The following LDLRAD4 variants were observed in gnomAD, a reference collection of about 807,000 sequenced individuals.
The protein encoded by LDLRAD4 is low-density lipoprotein receptor class A domain-containing protein 4.
Under a neutral mutation model 17.0 loss-of-function variants are expected in LDLRAD4, and 5 were observed. That is an observed-to-expected ratio of 0.29 (90% CI 0.15 to 0.62). The LOEUF is 0.62. Ranked by LOEUF, LDLRAD4 falls within the 20% of genes least tolerant of loss-of-function variation. The pLI, the probability that LDLRAD4 is intolerant of heterozygous loss-of-function variation, is 0.84. For synonymous variants in LDLRAD4, 168 were observed against 171.8 expected (o/e 0.98, Z 0.17); for missense variants, 340 against 424.7 (o/e 0.80, Z 1.75).
chr18:13,467,578 C>T lies in LDLRAD4; in HGVS notation c.181+29194C>T, dbSNP rs190275751. The stretch of plus-strand genomic sequence containing the variant: ...CTAACACATAAATACTACCTAAAGC[C>T]ATCTACAGATGCAATACAATCCCTA... On this transcript the variant is annotated intron_variant, in intron 3 of 5. Coordinates refer to ENST00000359446, the Ensembl canonical transcript of LDLRAD4. Among the ~76,000 whole-genome samples the T allele has an allele frequency of 3.3e-5, 5 of 152,304 alleles. No individual in the cohort carries two copies. In the East Asian group the frequency reaches 9.6e-4, roughly 29 times the overall value.
rs143146974 is a variant in LDLRAD4, at chr18:13,364,441, G to A, written c.-382-22900G>A. Among the ~76,000 whole-genome samples the A allele has an allele frequency of 2.5e-3, 381 of 152,208 alleles. 1 individual carries two copies. Among genetic ancestry groups the A allele is most frequent in the African/African-American group, 8.8e-3 (367 of 41,528 alleles). The stretch of plus-strand genomic sequence containing the variant: ...CATCCTCAAACTCCTGGGCTCAAGC[G>A]ATCCTCCTGCCTCAGCCTCCCGAGT... On this transcript the variant is annotated intron_variant, in intron 1 of 5. Transcript: ENST00000359446.
intron 2 of LDLRAD4, among the ~76,000 whole-genome samples, chr18:13,437,284 T>C (rs1048819803): frequency 1.2e-4 from 18 of 152,200 alleles, no homozygotes; most frequent in Non-Finnish European, 1.2e-4. Flanking sequence ...GTCTTCCCGC[T>C]GTGTACTGAG....
chr18:13,288,834 C>T (rs2045800801), intron 1 of LDLRAD4, among the ~76,000 whole-genome samples: 1 of 123,786 alleles, frequency 8.1e-6, no homozygotes. Flanking sequence ...GCCCCACAGA[C>T]CATGGCAATT....
intron 1 of LDLRAD4, among the ~76,000 whole-genome samples, chr18:13,262,225 G>T (rs1320377443): frequency 1.5e-5 from 2 of 136,634 alleles, no homozygotes; most frequent in African/African-American, 2.8e-5. Flanking sequence ...TGTGTGCCTG[G>T]GGGATGAGTC....
At chr18:13,547,591 G>A (rs2094383348) in intron 3 of LDLRAD4, among the ~76,000 whole-genome samples, 2 of 152,220 alleles carry the variant, frequency 1.3e-5, no homozygotes, top group African/African-American at 4.8e-5. Context: ...GCATGAGTGA[G>A]TGAGCGTGGA....
chr18:13,538,397 C>T (rs1459035751), intron 3 of LDLRAD4, among the ~76,000 whole-genome samples: 1 of 152,096 alleles, frequency 6.6e-6, no homozygotes, highest in Non-Finnish European at 1.5e-5. Flanking sequence ...AAATATTTTC[C>T]AGGTTACCCC....
At chr18:13,379,503 A>T (rs1214882296) in intron 1 of LDLRAD4, among the ~76,000 whole-genome samples, 2 of 152,376 alleles carry the variant, frequency 1.3e-5, no homozygotes, top group African/African-American at 4.8e-5. Context: ...CTGCAGAGGC[A>T]GACGAGACAC....
chr18:13,316,916 GT>G (rs1460452446), intron 1 of LDLRAD4, among the ~76,000 whole-genome samples: 1 of 152,174 alleles, frequency 6.6e-6, no homozygotes, highest in Non-Finnish European at 1.5e-5. Context: ...AACATGGTCA[GT>G]TTTCACTCAA....
intron 3 of LDLRAD4, among the ~76,000 whole-genome samples, chr18:13,547,542 A>C (rs2094382494): frequency 6.6e-6 from 1 of 152,076 alleles, no homozygotes; most frequent in Non-Finnish European, 1.5e-5. Context: ...CAGATCCCAC[A>C]CCTGTCAAGG....
At chr18:13,592,632 C>G (rs1159954466) in intron 3 of LDLRAD4, among the ~76,000 whole-genome samples, 1 of 152,188 alleles carries the variant, frequency 6.6e-6, no homozygotes, top group Non-Finnish European at 1.5e-5. Flanking sequence ...AGGCTTTTAA[C>G]CCTTTTAAGG....
intron 3 of LDLRAD4, among the ~76,000 whole-genome samples, chr18:13,567,589 T>C (rs2094623486): frequency 6.6e-6 from 1 of 152,216 alleles, no homozygotes; most frequent in Non-Finnish European, 1.5e-5. Context: ...TCTGAGACTA[T>C]TAGCACAAAA....
chr18:13,354,473 C>G (rs2083222946), intron 1 of LDLRAD4, among the ~76,000 whole-genome samples: 2 of 152,148 alleles, frequency 1.3e-5, no homozygotes, highest in African/African-American at 2.4e-5. Context: ...CTTGCACATT[C>G]TGTAATTTTG....
intron 3 of LDLRAD4, chr18:13,515,433 A>C (rs766255370): frequency 7.2e-5 from 11 of 152,252 alleles, no homozygotes; most frequent in African/African-American, 1.2e-4. Context: ...TAGATGGCTT[A>C]TGGTTATAGG....
intron 1 of LDLRAD4, among the ~76,000 whole-genome samples, chr18:13,322,384 CCA>C (rs2081303719): frequency 6.7e-6 from 1 of 148,492 alleles, no homozygotes; most frequent in African/African-American, 2.5e-5. Context: ...ACTGCAACCT[CCA>C]CCTCCCGGGT....
chr18:13,609,694 C>T (rs936554779), intron 3 of LDLRAD4, among the ~76,000 whole-genome samples: 1 of 152,154 alleles, frequency 6.6e-6, no homozygotes, highest in African/African-American at 2.4e-5. Context: ...GCTCCATGGC[C>T]GGGCGTGGTG....
chr18:13,423,159 A>G lies in LDLRAD4; in HGVS notation c.41-15085A>G, dbSNP rs140601377. Among the ~76,000 whole-genome samples, 63 of 152,246 alleles carry G rather than the reference A, an allele frequency of 4.1e-4. 1 individual carries two copies. In the Middle Eastern group the frequency reaches 0.014, roughly 33 times the overall value. On this transcript the variant is annotated intron_variant, in intron 2 of 5. Transcript: ENST00000359446. ...AAAACTCTGAACATTTTTGGCCTTTAAGGGAACAAGTTTCTAATTTTAAGA... is the reference window on the plus strand; with the variant it reads ...AAAACTCTGAACATTTTTGGCCTTTGAGGGAACAAGTTTCTAATTTTAAGA...
rs192099156 is a variant in LDLRAD4 at position 13,567,354 on chromosome 18, G to A, written c.182-53763G>A. On this transcript the variant is annotated intron_variant, in intron 3 of 5. Coordinates refer to ENST00000359446, the Ensembl canonical transcript of LDLRAD4. The stretch of plus-strand genomic sequence containing the variant: ...GCTGGACTGAAGGCAGAGATGAGGG[G>A]CTTGTTGACCTGGGAGCTCTTTATA... Among the ~76,000 whole-genome samples, 53 of 152,332 alleles carry A rather than the reference G, an allele frequency of 3.5e-4. No homozygotes were observed. In the East Asian group the frequency reaches 7.5e-3, roughly 22 times the overall value.
At chr18:13,293,969 A>G (rs578194772) in intron 1 of LDLRAD4, among the ~76,000 whole-genome samples, 1 of 152,298 alleles carries the variant, frequency 6.6e-6, no homozygotes, top group Admixed American at 6.5e-5. Flanking sequence ...ATACCAGGTC[A>G]GCAGTCACTC....
intron 3 of LDLRAD4, among the ~76,000 whole-genome samples, chr18:13,468,483 A>C (rs2092684206): frequency 6.6e-6 from 1 of 152,216 alleles, no homozygotes; most frequent in African/African-American, 2.4e-5. Context: ...CATTTGACCC[A>C]GCAATCCCAT....
Sources: gnomAD v4.1 joint callset for allele counts (sites outside exome capture counted in the v4.1 genomes callset) on GRCh38, gnomAD v4.1.1 for gene constraint, MANE v1.5 for transcripts, NCBI Gene and HGNC (gene_info 2026-07-23, HGNC 2026-07-21) for gene names.